The following SUCLA2 variants were observed in gnomAD, a reference collection of about 807,000 sequenced individuals.
SUCLA2 encodes succinate--CoA ligase [ADP-forming] subunit beta, mitochondrial.
Under a neutral mutation model 54.8 loss-of-function variants are expected in SUCLA2, and 30 were observed. The ratio of observed to expected loss-of-function variants is 0.55; its 90% confidence interval spans 0.41 to 0.74. SUCLA2 has a LOEUF of 0.74. Ranked by LOEUF, SUCLA2 falls within the 30% of genes least tolerant of loss-of-function variation. The pLI is 0.00. For synonymous variants in SUCLA2, 172 were observed against 188.9 expected (o/e 0.91, Z 0.74); for missense variants, 476 against 562.9 (o/e 0.85, Z 1.56).
At chr13:47,979,973 A>C (rs1380648441) in intron 4 of SUCLA2, among the ~76,000 whole-genome samples, 1 of 152,258 alleles carries the variant, frequency 6.6e-6, no homozygotes, top group Non-Finnish European at 1.5e-5. Context: ...GTTGCCTTTT[A>C]ATACAGTAAC....
In SUCLA2 at chr13:47,988,885, A is replaced by C. The variant is rs1465290947; in HGVS notation, c.368T>G (p.Phe123Cys). The C allele has an allele frequency of 1.2e-6, 2 of 1,612,428 alleles. No homozygotes were observed. Among genetic ancestry groups the C allele is most frequent in the Non-Finnish European group, 1.7e-6 (2 of 1,179,896 alleles). Residue 123 changes from phenylalanine (F) to cysteine (C), a missense_variant, in exon 3 of 11, where the codon TTC becomes TGC. Phe to Cys is a radical substitution (Grantham distance 205). Coordinates refer to ENST00000646932, the MANE Select transcript of SUCLA2 (RefSeq NM_003850.3). ...SGLKGGVKIVFSPEEAKAVSS... is the reference protein window; with the variant it reads ...SGLKGGVKIVCSPEEAKAVSS... ...TTCCTTAAAAAATGTGACTTACGAGAAAACTATCTTCACTCCTCCTTTGAG... is the reference window on the plus strand; with the variant it reads ...TTCCTTAAAAAATGTGACTTACGAGCAAACTATCTTCACTCCTCCTTTGAG...
intron 2 of SUCLA2, among the ~76,000 whole-genome samples, chr13:47,994,496 A>T (rs1450835238): frequency 1.4e-5 from 2 of 146,720 alleles, no homozygotes; most frequent in Admixed American, 1.4e-4. Flanking sequence ...TGAACCTGGG[A>T]GACGGAGGTT....
chr13:47,951,506 A>G (rs1472769592), intron 8 of SUCLA2, among the ~76,000 whole-genome samples: 2 of 152,200 alleles, frequency 1.3e-5, no homozygotes, highest in African/African-American at 4.8e-5. Flanking sequence ...CAAACAATGC[A>G]TCTTTGGATG....
At chr13:47,987,201 G>A (rs1287671239) in intron 4 of SUCLA2, among the ~76,000 whole-genome samples, 3 of 152,092 alleles carry the variant, frequency 2.0e-5, no homozygotes, top group Non-Finnish European at 2.9e-5. Context: ...TTTCCCAAAT[G>A]CCTTAAACAT....
intron 4 of SUCLA2, among the ~76,000 whole-genome samples, chr13:47,979,404 C>T (rs752406734): frequency 1.6e-4 from 25 of 152,000 alleles, no homozygotes; most frequent in Non-Finnish European, 3.1e-4. Flanking sequence ...AACCAAACAC[C>T]GCATGTTCTC....
intron 4 of SUCLA2, among the ~76,000 whole-genome samples, chr13:47,978,280 A>C (rs1950034026): frequency 6.6e-6 from 1 of 152,262 alleles, no homozygotes; most frequent in Non-Finnish European, 1.5e-5. Flanking sequence ...ACAAGGCTAC[A>C]GTAAACAAAA....
intron 6 of SUCLA2, among the ~76,000 whole-genome samples, chr13:47,955,966 C>A (rs1215748604): frequency 2.6e-5 from 4 of 152,126 alleles, no homozygotes; most frequent in Non-Finnish European, 5.9e-5. Flanking sequence ...AATATTCTTT[C>A]AGAGGAAGAT....
At chr13:47,975,191 C>T (rs1226767138) in intron 4 of SUCLA2, among the ~76,000 whole-genome samples, 2 of 146,166 alleles carry the variant, frequency 1.4e-5, no homozygotes, top group Non-Finnish European at 3.0e-5. Flanking sequence ...TCTGGAGTGT[C>T]GTTCTGTCAC....
Position 47,951,989 on chromosome 13 carries a change from TAA to T in SUCLA2, c.1107+2149_1107+2150del, listed in dbSNP as rs11404279. On this transcript the variant is annotated intron_variant, in intron 8 of 10. Transcript: ENST00000646932. Reference sequence around the variant, plus strand: ...GCACTGCATCCCTTCCATGCCTTTGTAAAAAAAAAAAAAAAAAAAGTCCTGGA... The same window carrying T: ...GCACTGCATCCCTTCCATGCCTTTGTAAAAAAAAAAAAAAAAAGTCCTGGA... Among the ~76,000 whole-genome samples, 247 of 131,016 alleles carry T rather than the reference TAA, an allele frequency of 1.9e-3. 1 individual carries two copies. The highest frequency in any genetic ancestry group is 4.1e-3 in the East Asian group (18 of 4,422). The allele number at this position is 131,016 out of a possible 152,430, so 86.0% of individuals were successfully genotyped here. A position where few individuals can be genotyped will look rare whatever the true frequency, so the allele number is the denominator to read the frequency against.
intron 1 of SUCLA2, among the ~76,000 whole-genome samples, chr13:47,998,313 A>G (rs1377056848): frequency 6.9e-6 from 1 of 145,498 alleles, no homozygotes; most frequent in Non-Finnish European, 1.5e-5. Flanking sequence ...AAAAAAAAAA[A>G]GAAAAAAAAA....
chr13:47,968,030 A>G (rs1157671475), intron 6 of SUCLA2, among the ~76,000 whole-genome samples: 1 of 152,190 alleles, frequency 6.6e-6, no homozygotes, highest in Non-Finnish European at 1.5e-5. Context: ...GTTCCCCAGG[A>G]TATGTTATTA....
chr13:47,987,675 A>G (rs1380989840), intron 4 of SUCLA2: 1 of 152,130 alleles, frequency 6.6e-6, no homozygotes, highest in Non-Finnish European at 1.5e-5. Context: ...AATAAGAAAA[A>G]TCACAATACA....
chr13:47,969,995 G>C (rs903828407), intron 5 of SUCLA2, among the ~76,000 whole-genome samples: 1 of 151,432 alleles, frequency 6.6e-6, no homozygotes, highest in African/African-American at 2.4e-5. Context: ...CCAGCTACTC[G>C]AGAGGCTGAG....
At chr13:47,957,204 A>G (rs1467224452) in intron 6 of SUCLA2, among the ~76,000 whole-genome samples, 1 of 151,892 alleles carries the variant, frequency 6.6e-6, no homozygotes, top group Non-Finnish European at 1.5e-5. Context: ...TGCTATATAA[A>G]CCCCGAGTTT....
At chr13:47,968,939 T>A (rs1291255537) in intron 5 of SUCLA2, among the ~76,000 whole-genome samples, 1 of 152,208 alleles carries the variant, frequency 6.6e-6, no homozygotes, top group African/African-American at 2.4e-5. Flanking sequence ...TATGCCCATT[T>A]TATAGATAAG....
chr13:47,992,356 T>G (rs1256552019), intron 2 of SUCLA2, among the ~76,000 whole-genome samples: 1 of 79,150 alleles, frequency 1.3e-5, no homozygotes, highest in Admixed American at 1.4e-4. Context: ...CGAAAGTTCC[T>G]TCTAAAAAAA....
At chr13:48,000,831 G>A (rs1057052434) in intron 1 of SUCLA2, 3 of 1,124,206 alleles carry the variant, frequency 2.7e-6, no homozygotes, top group Non-Finnish European at 2.2e-6. Flanking sequence ...GGCGGCGCAA[G>A]TCTCAGCCCA....
At chr13:47,989,477 CTGGGATTACAGGCGTGAGCCAGT>C (rs1950133834) in intron 2 of SUCLA2, among the ~76,000 whole-genome samples, 3 of 149,372 alleles carry the variant, frequency 2.0e-5, no homozygotes, top group African/African-American at 7.7e-5. Context: ...TCCCAAAGTG[CTGGGATTACAGGCGTGAGCCAGT>C]GCTGGGATTA....
At chr13:47,967,668 T>G (rs1290495855) in intron 6 of SUCLA2, among the ~76,000 whole-genome samples, 3 of 136,588 alleles carry the variant, frequency 2.2e-5, no homozygotes. Flanking sequence ...TGGTGAAACC[T>G]CATCTCTACT....
Sources: gnomAD v4.1 joint callset for allele counts (sites outside exome capture counted in the v4.1 genomes callset) on GRCh38, gnomAD v4.1.1 for gene constraint, MANE v1.5 for transcripts, NCBI Gene and HGNC (gene_info 2026-07-23, HGNC 2026-07-21) for gene names.